Variants in CPSF3 observed in about 807,000 individuals in gnomAD.
CPSF3 encodes the protein cleavage and polyadenylation specificity factor subunit 3.
CPSF3 carries 57 observed loss-of-function variants against 84.1 expected under a neutral mutation model. The observed-to-expected ratio is 0.68, with a 90% CI of 0.55 to 0.85. The LOEUF is 0.85. Among genes scored for constraint, CPSF3 ranks in the 40% least tolerant of loss-of-function variants. The pLI is 0.00. For synonymous variants in CPSF3, 275 were observed against 278.1 expected, an observed-to-expected ratio of 0.99 and a Z score of 0.11; for missense variants, 522 against 838.8, an observed-to-expected ratio of 0.62 and a Z score of 4.66.
intron 15 of CPSF3, among the ~76,000 whole-genome samples, chr2:9,461,070 ATACT>A (rs371279670): frequency 6.6e-6 from 1 of 152,352 alleles, no homozygotes; most frequent in African/African-American, 2.4e-5. Flanking sequence ...AAACAAATAA[ATACT>A]TAGACAATCT....
intron 15 of CPSF3, among the ~76,000 whole-genome samples, chr2:9,466,386 A>ACACGCGCACACACACG (rs796225369): frequency 1.3e-5 from 1 of 78,686 alleles, no homozygotes; most frequent in East Asian, 2.1e-4. Flanking sequence ...GCACTCGCAC[A>ACACGCGCACACACACG]CACGCGCACA....
chr2:9,461,273 G>A (rs1021745351), intron 15 of CPSF3, among the ~76,000 whole-genome samples: 37 of 152,158 alleles, frequency 2.4e-4, no homozygotes, highest in African/African-American at 8.9e-4. Flanking sequence ...ATTTATATAA[G>A]CCACAGAAGA....
chr2:9,472,730 T>C (rs777780972), intron 17 of CPSF3, among the ~76,000 whole-genome samples, 186 bp from the exon 18 acceptor site: 19 of 152,144 alleles, frequency 1.2e-4, no homozygotes, highest in Non-Finnish European at 2.2e-4. Flanking sequence ...CACAGCTCAC[T>C]GCAGCCTCAA....
chr2:9,440,530 C>G lies in CPSF3; in HGVS notation c.800C>G (p.Pro267Arg). Residue 267 changes from proline (P) to arginine (R), a missense_variant, in exon 8 of 18, where the codon CCA becomes CGA. Pro to Arg is a moderately radical substitution (Grantham distance 103, BLOSUM62 -2). Coordinates refer to ENST00000238112, the MANE Select transcript of CPSF3 (RefSeq NM_016207.4). ...AATCACCCAGAACTACATGACATTC[C>G]AATATACTATGCATCATCTTTGGCC... Reference protein sequence around the residue: ...WQNHPELHDIPIYYASSLAKK... With the variant: ...WQNHPELHDIRIYYASSLAKK... 6.2e-7 allele frequency: 1 copy of G among 1,614,026 alleles called. No homozygotes were observed. The highest frequency in any genetic ancestry group is 8.5e-7 in the Non-Finnish European group (1 of 1,179,968).
chr2:9,430,569 C>T (rs1040486773), intron 3 of CPSF3, among the ~76,000 whole-genome samples, 183 bp from the exon 4 acceptor site: 3 of 152,218 alleles, frequency 2.0e-5, no homozygotes, highest in Admixed American at 6.5e-5. Context: ...AAACATCTTT[C>T]CTCCATTTTA....
chr2:9,437,776 A>C lies in CPSF3; in HGVS notation c.760+1415A>C, dbSNP rs1339749122. Among the ~76,000 whole-genome samples, 4 of 152,226 alleles carry C rather than the reference A, an allele frequency of 2.6e-5. No homozygotes were observed. The East Asian group carries it at 7.7e-4, about 29-fold the overall frequency. On this transcript the variant is annotated intron_variant, in intron 7 of 17. Transcript: ENST00000238112. ...AGCACCTTGAGAGGCTAAGGGCGGA[A>C]GATCACTTGAGCCCAGGAATTTAAG...
chr2:9,443,732 C>T, intron 10 of CPSF3, 71 bp downstream of exon 10: 1 of 1,537,952 alleles, frequency 6.5e-7, no homozygotes, highest in Non-Finnish European at 8.9e-7. Context: ...GTGCAGCAGG[C>T]AGTTCACAAA....
chr2:9,463,800 G>A (rs1169302886), intron 15 of CPSF3, among the ~76,000 whole-genome samples: 2 of 152,304 alleles, frequency 1.3e-5, no homozygotes, highest in Non-Finnish European at 2.9e-5. Context: ...TAGTGTTACC[G>A]AAACACAGCC....
chr2:9,466,384 A>G (rs1457562798), intron 15 of CPSF3, among the ~76,000 whole-genome samples: 2 of 79,222 alleles, frequency 2.5e-5, no homozygotes, highest in Admixed American at 1.2e-4. Context: ...ACGCACTCGC[A>G]CACACGCGCA....
rs868666972 is a variant in CPSF3, at chr2:9,467,683, C to T, written c.1787-24C>T. ...TGAATAGGAATTTAGAAACTGAACTCTCTGTCGCTTTTTTTTTTCCCAGGT... is the reference window on the plus strand; with the variant it reads ...TGAATAGGAATTTAGAAACTGAACTTTCTGTCGCTTTTTTTTTTCCCAGGT... On this transcript the variant is annotated intron_variant, in intron 15 of 17. Transcript: ENST00000238112. The T allele has an allele frequency of 2.5e-6, 4 of 1,572,944 alleles. No homozygotes were observed. The East Asian group carries it at 9.0e-5, about 35-fold the overall frequency.
intron 10 of CPSF3, among the ~76,000 whole-genome samples, chr2:9,445,828 A>C (rs943234620): frequency 4.6e-5 from 7 of 152,258 alleles, no homozygotes; most frequent in Non-Finnish European, 1.0e-4. Flanking sequence ...CAGCTCCAGC[A>C]AAAGTATAGC....
intron 1 of CPSF3, among the ~76,000 whole-genome samples, chr2:9,425,442 T>C (rs1339201458): frequency 6.9e-6 from 1 of 145,168 alleles, no homozygotes; most frequent in Admixed American, 6.8e-5. Context: ...AAAGCATGGA[T>C]TGAGTAGAGC....
chr2:9,442,269 A>ACT (rs553275938), intron 9 of CPSF3, among the ~76,000 whole-genome samples: 362 of 152,182 alleles, frequency 2.4e-3, no homozygotes, highest in Non-Finnish European at 4.2e-3. Context: ...ACACGTGAAT[A>ACT]CTCTCCGTCC....
intron 14 of CPSF3, 51 bp from the exon 15 acceptor site, chr2:9,459,480 G>A: frequency 8.9e-7 from 1 of 1,124,880 alleles, no homozygotes; most frequent in Non-Finnish European, 1.4e-6. Flanking sequence ...TAGCCTTTGT[G>A]GTTGGTCACC....
chr2:9,467,687 G>A lies in CPSF3; in HGVS notation c.1787-20G>A, dbSNP rs890997860. The A allele has an allele frequency of 2.3e-5, 37 of 1,579,898 alleles. No homozygotes were observed. Among genetic ancestry groups the A allele is most frequent in the Non-Finnish European group, 3.1e-5 (36 of 1,158,554 alleles). Reference sequence around the variant, plus strand: ...TAGGAATTTAGAAACTGAACTCTCTGTCGCTTTTTTTTTTCCCAGGTGCAG... The same window carrying A: ...TAGGAATTTAGAAACTGAACTCTCTATCGCTTTTTTTTTTCCCAGGTGCAG... On this transcript the variant is annotated intron_variant, in intron 15 of 17. Coordinates refer to ENST00000238112, the MANE Select transcript of CPSF3 (RefSeq NM_016207.4).
rs762936713 is a variant in CPSF3, at chr2:9,452,984, CTT to C, written c.1469_1470del (p.Phe490Ter). ...TCTCAGGAATACTTGTTAAAAGAAA[CTT>C]TAATTATCACATACTTTCTCCTTGC... is the stretch of plus-strand genomic sequence containing the variant. Reference protein sequence around the residue: ...RVSGILVKRNFNYHILSPCDL... With the variant: ...RVSGILVKRNXNYHILSPCDL... On this transcript the variant is annotated frameshift_variant, in exon 12 of 18. Transcript: ENST00000238112. LOFTEE classifies it high-confidence loss of function. 6.2e-7 allele frequency: 1 copy of C among 1,611,130 alleles called. No individual in the cohort carries two copies. Among genetic ancestry groups the C allele is most frequent in the South Asian group, 1.1e-5 (1 of 90,094 alleles).
intron 17 of CPSF3, 87 bp downstream of exon 17, chr2:9,471,526 T>G: frequency 8.9e-6 from 7 of 784,916 alleles, no homozygotes; most frequent in East Asian, 2.5e-5. Flanking sequence ...CTCAACAGTC[T>G]ACTGTTGCAT....
intron 16 of CPSF3, among the ~76,000 whole-genome samples, chr2:9,470,651 C>T (rs1682133610): frequency 6.6e-6 from 1 of 152,216 alleles, no homozygotes; most frequent in African/African-American, 2.4e-5. Flanking sequence ...AGCTAGTGGG[C>T]TTGGGAGCCA....
rs762653004 is a variant in CPSF3 at position 9,429,910 on chromosome 2, C to G, written c.115-13C>G. On this transcript the variant is annotated splice_polypyrimidine_tract_variant and intron_variant, in intron 2 of 17. Coordinates refer to ENST00000238112, the MANE Select transcript of CPSF3 (RefSeq NM_016207.4). ...GTGCAGGAGATTGTGATCTCTTTTCCTGTTTCTTTCAGCTCGACTGTGGGA... is the reference window on the plus strand; with the variant it reads ...GTGCAGGAGATTGTGATCTCTTTTCGTGTTTCTTTCAGCTCGACTGTGGGA... 5 of 1,549,864 alleles carry G rather than the reference C, an allele frequency of 3.2e-6. No individual in the cohort carries two copies. The South Asian group carries it at 5.9e-5, about 18-fold the overall frequency.
Sources: gnomAD v4.1 joint callset for allele counts (sites outside exome capture counted in the v4.1 genomes callset) on GRCh38, gnomAD v4.1.1 for gene constraint, MANE v1.5 for transcripts, NCBI Gene and HGNC (gene_info 2026-07-23, HGNC 2026-07-21) for gene names.